Variants in POLI observed in about 807,000 individuals in gnomAD.
The protein encoded by POLI is DNA polymerase iota.
In POLI, 58 loss-of-function variants were observed where a neutral mutation model predicts 51.6. The observed-to-expected ratio is 1.12, with a 90% CI of 0.91 to 1.40. POLI has a LOEUF of 1.40. Ranked by LOEUF, POLI falls within the 40% of genes most tolerant of loss-of-function variation. POLI has a pLI of 0.00. For synonymous variants in POLI, 322 were observed against 299.7 expected, an observed-to-expected ratio of 1.07 and a Z score of -0.77; for missense variants, 921 against 871.3, an observed-to-expected ratio of 1.06 and a Z score of -0.72.
intron 2 of POLI, among the ~76,000 whole-genome samples, chr18:54,273,661 A>G (rs533295299): frequency 2.6e-5 from 4 of 152,216 alleles, no homozygotes; most frequent in East Asian, 3.9e-4. Flanking sequence ...CAAGGAGACA[A>G]AACAACTAGA....
At chr18:54,312,186 T>A (rs1433995367) in intron 3 of POLI, among the ~76,000 whole-genome samples, 1 of 152,170 alleles carries the variant, frequency 6.6e-6, no homozygotes, top group Non-Finnish European at 1.5e-5. Flanking sequence ...CTCCCACTTA[T>A]AAGTGAGAAA....
At chr18:54,284,935 A>G (rs2087681176) in intron 7 of POLI, among the ~76,000 whole-genome samples, 1 of 152,208 alleles carries the variant, frequency 6.6e-6, no homozygotes, top group Non-Finnish European at 1.5e-5. Context: ...TCTTCTTGTT[A>G]GAAATTTCTC....
At chr18:54,289,525 T>A (rs1302866234) in intron 8 of POLI, among the ~76,000 whole-genome samples, 1 of 151,762 alleles carries the variant, frequency 6.6e-6, no homozygotes, top group Non-Finnish European at 1.5e-5. Context: ...GCCAAGACAA[T>A]CCTAAATAAA....
At chr18:54,298,482 A>AC (rs950816336), downstream of POLI, among the ~76,000 whole-genome samples, 3 of 152,034 alleles carry the variant, frequency 2.0e-5, no homozygotes, top group African/African-American at 7.2e-5. Flanking sequence ...GTCAGGGCTT[A>AC]CCATGAATAA....
rs913779522 is a variant in POLI at position 54,295,819 on chromosome 18, C to A, written c.*1352C>A. ...ATTTTTGTATTTTTAGTAGAGATGACATTTCACCATATTGGCCAGGCTGGT... is the reference window on the plus strand; with the variant it reads ...ATTTTTGTATTTTTAGTAGAGATGAAATTTCACCATATTGGCCAGGCTGGT... On this transcript the variant is annotated 3_prime_UTR_variant, in exon 10 of 10. Coordinates refer to ENST00000579534, the MANE Select transcript of POLI (RefSeq NM_007195.3). 1.1e-5 allele frequency: 3 copies of A among 284,426 alleles called. No individual in the cohort carries two copies. Among genetic ancestry groups the A allele is most frequent in the Admixed American group, 6.5e-5 (1 of 15,388 alleles). The allele number at this position is 284,426 out of a possible 1,614,324, so 17.6% of individuals were successfully genotyped here. A position where few individuals can be genotyped will look rare whatever the true frequency, so the allele number is the denominator to read the frequency against.
chr18:54,305,689 A>G (rs986448793), intron 3 of POLI, among the ~76,000 whole-genome samples: 1 of 151,014 alleles, frequency 6.6e-6, no homozygotes, highest in South Asian at 2.1e-4. Flanking sequence ...TAAATATACA[A>G]TCATGTCATC....
In POLI at chr18:54,291,839, A is replaced by G. The variant is rs1181006693; in HGVS notation, c.1205A>G (p.Tyr402Cys). ...HVIQKLGTGN[Y>C]DVMTPMVDIL... ...TCTTAAACATTTTATTTAGGAAATTATGATGTGATGACCCCAATGGTTGAT... is the reference window on the plus strand; with the variant it reads ...TCTTAAACATTTTATTTAGGAAATTGTGATGTGATGACCCCAATGGTTGAT... Residue 402 changes from tyrosine to cysteine, a missense_variant, in exon 9 of 10, where the codon TAT becomes TGT. Transcript: ENST00000579534. The G allele has an allele frequency of 6.8e-7, 1 of 1,479,782 alleles. No individual in the cohort carries two copies. The allele number at this position is 1,479,782 out of a possible 1,614,324, so 91.7% of individuals were successfully genotyped here. A position where few individuals can be genotyped will look rare whatever the true frequency, so the allele number is the denominator to read the frequency against.
rs537122444 is a variant in POLI at position 54,288,774 on chromosome 18, C to G, written c.1198+1363C>G. 5.3e-5 allele frequency among the ~76,000 whole-genome samples: 8 copies of G among 151,708 alleles called. No individual in the cohort carries two copies. In the East Asian group the frequency reaches 1.2e-3, roughly 22 times the overall value. ...TGGTTTTGGTTACTGTACTTTTTAA[C>G]TCTAGAATTTCTGTTTGTCTTTTGT... On this transcript the variant is annotated intron_variant, in intron 8 of 9. Coordinates refer to ENST00000579534, the MANE Select transcript of POLI (RefSeq NM_007195.3).
rs748791424 is a variant in POLI at position 54,298,046 on chromosome 18, A to G, written c.*3579A>G. The G allele has an allele frequency of 7.5e-5, 73 of 971,382 alleles. No homozygotes were observed. Among genetic ancestry groups the G allele is most frequent in the Non-Finnish European group, 7.3e-5 (60 of 817,146 alleles). The allele number at this position is 971,382 out of a possible 1,614,324, so 60.2% of individuals were successfully genotyped here. On this transcript the variant is annotated 3_prime_UTR_variant, in exon 10 of 10. Coordinates refer to ENST00000579534, the MANE Select transcript of POLI (RefSeq NM_007195.3). ...TTATATGTCTAGCTATAGATTTATC[A>G]TGGATTTAGGTTCATTATGAATCTG...
intron 6 of POLI, 50 bp downstream of exon 6, chr18:54,283,065 A>G (rs2087587906): frequency 2.5e-6 from 3 of 1,206,872 alleles, no homozygotes; most frequent in Non-Finnish European, 3.5e-6. Context: ...ACATTATTTG[A>G]GATAAAGATT....
Position 54,274,043 on chromosome 18 carries a change from A to G in POLI, c.359A>G (p.Asn120Ser). 1.9e-6 allele frequency: 3 copies of G among 1,556,124 alleles called. No homozygotes were observed. The highest frequency in any genetic ancestry group is 2.6e-6 in the Non-Finnish European group (3 of 1,149,312). ...KEKCPQLVLVNGEDLTRYREM... is the reference protein window; with the variant it reads ...KEKCPQLVLVSGEDLTRYREM... ...AAGTGTCCACAGTTGGTATTAGTTA[A>G]TGGAGAAGACCTGACCCGCTACAGA... The change falls in exon 3 of 10, where the codon AAT becomes AGT. Residue 120 changes from asparagine to serine, a missense_variant. Physicochemically the swap from Asn to Ser is conservative, Grantham distance 46 (BLOSUM62 1). Coordinates refer to ENST00000579534, the MANE Select transcript of POLI (RefSeq NM_007195.3).
rs943557811 is a variant in POLI at position 54,278,906 on chromosome 18, C to T, written c.559+1051C>T. Among the ~76,000 whole-genome samples the T allele has an allele frequency of 2.3e-4, 35 of 152,184 alleles. 1 individual carries two copies. The highest frequency in any genetic ancestry group is 1.9e-4 in the Non-Finnish European group (13 of 68,034). On this transcript the variant is annotated intron_variant, in intron 4 of 9. Transcript: ENST00000579534. Reference sequence around the variant, plus strand: ...ATCCTCTTTTTTGAGAACTAGACATCGGTCTACAGAATAGTTCTCCACAGA... The same window carrying T: ...ATCCTCTTTTTTGAGAACTAGACATTGGTCTACAGAATAGTTCTCCACAGA...
At chr18:54,312,929 T>C (rs2088687114) in intron 3 of POLI, among the ~76,000 whole-genome samples, 1 of 152,238 alleles carries the variant, frequency 6.6e-6, no homozygotes, top group South Asian at 2.1e-4. Context: ...ATAGTTTCTC[T>C]TGCTGTGCAG....
chr18:54,270,403 C>A (rs1428072105), intron 1 of POLI: 1 of 152,234 alleles, frequency 6.6e-6, no homozygotes, highest in South Asian at 2.1e-4. Context: ...CACAAGCGAT[C>A]CTTCCACCTC....
chr18:54,318,961 C>T (rs1040896954), intron 3 of POLI, among the ~76,000 whole-genome samples: 8 of 152,098 alleles, frequency 5.3e-5, no homozygotes, highest in African/African-American at 1.9e-4. Flanking sequence ...AACAGTGTTC[C>T]ATTTCTGGCT....
chr18:54,277,617 T>C, intron 3 of POLI, 86 bp from the exon 4 acceptor site: 3 of 769,658 alleles, frequency 3.9e-6, no homozygotes, highest in Non-Finnish European at 6.1e-6. Context: ...AACAATAAAT[T>C]TGATAAATTT....
intron 6 of POLI, 140 bp from the exon 7 acceptor site, chr18:54,283,777 TATAAA>T (rs1319524105): frequency 2.1e-6 from 1 of 473,328 alleles, no homozygotes; most frequent in African/African-American, 2.0e-5. Context: ...AAACTGTTAA[TATAAA>T]AGTGAACTAA....
chr18:54,305,764 T>A (rs116677220), intron 3 of POLI, among the ~76,000 whole-genome samples: 10,221 of 151,780 alleles, frequency 0.067, 396 homozygotes, highest in African/African-American at 0.082. Context: ...TTTTTTTTTT[T>A]AATTTCTTTT....
intron 8 of POLI, 71 bp downstream of exon 8, chr18:54,287,482 T>C (rs575948743): frequency 7.5e-5 from 88 of 1,172,314 alleles, no homozygotes; most frequent in Non-Finnish European, 9.6e-5. Flanking sequence ...GAATGAGAAA[T>C]ATGCTCCAAA....
Sources: gnomAD v4.1 joint callset for allele counts (sites outside exome capture counted in the v4.1 genomes callset) on GRCh38, gnomAD v4.1.1 for gene constraint, MANE v1.5 for transcripts, NCBI Gene and HGNC (gene_info 2026-07-23, HGNC 2026-07-21) for gene names.